Variants in LAMC2 observed in about 807,000 individuals in gnomAD.
LAMC2 encodes the protein laminin subunit gamma-2.
A neutral mutation model predicts 140.2 loss-of-function variants in LAMC2; 97 were observed. The ratio of observed to expected loss-of-function variants is 0.69; its 90% CI spans 0.59 to 0.82. The LOEUF (loss-of-function observed/expected upper bound fraction) is 0.82, where lower values mean the gene tolerates loss of function less well. Among genes scored for constraint, LAMC2 ranks in the 40% least tolerant of loss-of-function variants. The pLI, the probability that LAMC2 is intolerant of heterozygous loss-of-function variation, is 0.00. For synonymous variants in LAMC2, 513 were observed against 540.2 expected, an observed-to-expected ratio of 0.95 and a Z score of 0.70; for missense variants, 1,402 against 1,476.1, an observed-to-expected ratio of 0.95 and a Z score of 0.82.
intron 16 of LAMC2, 135 bp from the exon 17 acceptor site, chr1:183,236,325 G>A (rs2102246537): frequency 1.3e-6 from 1 of 790,278 alleles, no homozygotes; most frequent in East Asian, 2.7e-5. Context: ...GGAGGATGAG[G>A]CTATAGTGAG....
At chr1:183,251,277 A>G in the LAMC2 span, 1 of 152,234 alleles carries the variant, frequency 6.6e-6, no homozygotes, top group East Asian at 1.9e-4. Flanking sequence ...CAACCACAGA[A>G]ACAAGACCAA....
Position 183,186,400 on chromosome 1 carries a change from G to C in LAMC2, c.48G>C (p.Leu16=), listed in dbSNP as rs751052489. ...LGCCLCFSLL[L]PAARATSRRE... ...GCTGCCTCTGCTTCTCGCTCCTCCT[G>C]CCCGCAGCCCGGGCCACCTCCAGGA... is the stretch of plus-strand genomic sequence containing the variant. Residue 16 remains leucine, a synonymous_variant, in exon 1 of 23, where the codon CTG becomes CTC. Transcript: ENST00000264144. The C allele has an allele frequency of 3.2e-5, 52 of 1,605,472 alleles. 2 individuals carry two copies. In the South Asian group the frequency reaches 5.5e-4, roughly 17 times the overall value.
In LAMC2 at chr1:183,229,598, C is replaced by T. The variant is rs549184528; in HGVS notation, c.1714+979C>T. ...GTTGCAGTGAGCCGAGATCATGTCA[C>T]TGCACTCCAGCCGGGCAACAGCGCA... On this transcript the variant is annotated intron_variant, in intron 11 of 22. Transcript: ENST00000264144. Among the ~76,000 whole-genome samples, 7 of 148,118 alleles carry T rather than the reference C, an allele frequency of 4.7e-5. No individual in the cohort carries two copies. The South Asian group carries it at 1.5e-3, about 32-fold the overall frequency.
intron 1 of LAMC2, among the ~76,000 whole-genome samples, chr1:183,193,841 TCTCTTCTC>T (rs796328863): frequency 0.41 from 61,659 of 151,824 alleles, 13,366 homozygotes; most frequent in East Asian, 0.63. Context: ...CATGGTCCAG[TCTCTTCTC>T]AAAATGTTTG....
intron 22 of LAMC2, 68 bp downstream of exon 22, chr1:183,240,459 A>T: frequency 6.3e-7 from 1 of 1,592,266 alleles, no homozygotes; most frequent in Non-Finnish European, 8.6e-7. Context: ...AACACTCACT[A>T]TACCTAGCCC....
intron 2 of LAMC2, among the ~76,000 whole-genome samples, chr1:183,212,737 C>T (rs1158669496): frequency 1.3e-5 from 2 of 152,130 alleles, no homozygotes; most frequent in African/African-American, 2.4e-5. Flanking sequence ...GTTCATATAC[C>T]CAAAACTAAA....
intron 1 of LAMC2, among the ~76,000 whole-genome samples, chr1:183,196,216 C>T (rs1658509403): frequency 6.6e-6 from 1 of 151,862 alleles, no homozygotes; most frequent in African/African-American, 2.4e-5. Context: ...CAGCTCACTG[C>T]AACCTCTGCC....
intron 4 of LAMC2, among the ~76,000 whole-genome samples, chr1:183,219,167 G>C (rs576496958): frequency 1.3e-5 from 2 of 152,306 alleles, no homozygotes; most frequent in Admixed American, 1.3e-4. Context: ...GCTGGCGTCA[G>C]AAGCAAAGGC....
intron 4 of LAMC2, among the ~76,000 whole-genome samples, 157 bp from the exon 5 acceptor site, chr1:183,220,667 TG>T (rs1659438575): frequency 6.6e-6 from 1 of 151,862 alleles, no homozygotes; most frequent in African/African-American, 2.4e-5. Context: ...TCTGGTGGTC[TG>T]GGGGTGGGGG....
chr1:183,232,114 G>T, intron 12 of LAMC2, 73 bp from the exon 13 acceptor site: 2 of 1,563,290 alleles, frequency 1.3e-6, no homozygotes, highest in South Asian at 2.2e-5. Flanking sequence ...TTATCCCCTG[G>T]GTACCTGGTA....
At chr1:183,221,633 G>A (rs1659473661) in intron 5 of LAMC2, among the ~76,000 whole-genome samples, 1 of 151,962 alleles carries the variant, frequency 6.6e-6, no homozygotes, top group African/African-American at 2.4e-5. Context: ...GGAGGCTGAG[G>A]CAGGAGAATG....
In LAMC2 at chr1:183,223,100, A is replaced by C. The variant is rs375441061; in HGVS notation, c.764-35A>C. The C allele has an allele frequency of 5.6e-6, 9 of 1,604,664 alleles. No homozygotes were observed. The African/African-American group carries it at 1.1e-4, about 19-fold the overall frequency. ...CATGTGTTTGCCTCTCCAGTTTCAC[A>C]ACTGATCTCAATCTTTTAAAACTCT... On this transcript the variant is annotated intron_variant, in intron 6 of 22. Coordinates refer to ENST00000264144, the MANE Select transcript of LAMC2 (RefSeq NM_005562.3).
chr1:183,221,003 T>C, intron 5 of LAMC2, 42 bp downstream of exon 5: 1 of 1,591,608 alleles, frequency 6.3e-7, no homozygotes, highest in Non-Finnish European at 8.6e-7. Flanking sequence ...TTTAATGTTG[T>C]ACAGGGCTTT....
At chr1:183,198,117 G>C (rs1057456494) in intron 1 of LAMC2, among the ~76,000 whole-genome samples, 3 of 134,252 alleles carry the variant, frequency 2.2e-5, no homozygotes, top group African/African-American at 7.8e-5. Context: ...AGATAATTGA[G>C]CATCATCTTT....
chr1:183,246,235 G>C (rs1042662576), downstream of LAMC2, among the ~76,000 whole-genome samples: 2 of 151,748 alleles, frequency 1.3e-5, no homozygotes, highest in African/African-American at 2.4e-5. Flanking sequence ...TACCTGAGGA[G>C]AGATGGGGAG....
intron 2 of LAMC2, among the ~76,000 whole-genome samples, chr1:183,213,744 G>A (rs1351797426): frequency 8.9e-6 from 1 of 112,280 alleles, no homozygotes; most frequent in Non-Finnish European, 1.7e-5. Context: ...AGGTTGCAGT[G>A]AGCCAAAAAA....
chr1:183,252,574 G>T, the LAMC2 span: 1 of 1,097,422 alleles, frequency 9.1e-7, no homozygotes, highest in Non-Finnish European at 1.4e-6. Flanking sequence ...GAAACAGAGA[G>T]GCAGGAGAGA....
In LAMC2 at chr1:183,239,347, T is replaced by C. The variant is rs775138486; in HGVS notation, c.2870-17T>C. Reference sequence around the variant, plus strand: ...TGCTTTCATCTTCACGGCAGTTTTTTCTTTTCTTCATTTCAGAGTTTGACC... The same window carrying C: ...TGCTTTCATCTTCACGGCAGTTTTTCCTTTTCTTCATTTCAGAGTTTGACC... On this transcript the variant is annotated splice_polypyrimidine_tract_variant and intron_variant, in intron 19 of 22. Coordinates refer to ENST00000264144, the MANE Select transcript of LAMC2 (RefSeq NM_005562.3). 5 of 1,613,792 alleles carry C rather than the reference T, an allele frequency of 3.1e-6. No individual in the cohort carries two copies. The highest frequency in any genetic ancestry group is 3.4e-6 in the Non-Finnish European group (4 of 1,179,644).
intron 1 of LAMC2, 133 bp from the exon 2 acceptor site, chr1:183,207,748 C>A: frequency 1.3e-6 from 1 of 792,414 alleles, no homozygotes; most frequent in Non-Finnish European, 2.1e-6. Context: ...TATCTTCCTC[C>A]CGCAAGGAGT....
Sources: gnomAD v4.1 joint callset for allele counts (sites outside exome capture counted in the v4.1 genomes callset) on GRCh38, gnomAD v4.1.1 for gene constraint, MANE v1.5 for transcripts, NCBI Gene and HGNC (gene_info 2026-07-23, HGNC 2026-07-21) for gene names.